The following AOPEP variants were observed in gnomAD, a reference collection of about 807,000 sequenced individuals.
The protein encoded by AOPEP is aminopeptidase O (putative).
Under a neutral mutation model 98.1 loss-of-function variants are expected in AOPEP, and 77 were observed. The ratio of observed to expected loss-of-function variants is 0.78; its 90% confidence interval spans 0.65 to 0.95. The LOEUF (loss-of-function observed/expected upper bound fraction) is 0.95. AOPEP is among the 40% of genes least tolerant of loss of function. AOPEP has a pLI of 0.00. For synonymous variants in AOPEP, 346 were observed against 365.3 expected (o/e 0.95, Z 0.60); for missense variants, 1,024 against 1,024.7 (o/e 1.00, Z 0.01).
intron 7 of AOPEP, among the ~76,000 whole-genome samples, chr9:94,937,909 G>A (rs1461383128): frequency 6.6e-6 from 1 of 152,156 alleles, no homozygotes; most frequent in Non-Finnish European, 1.5e-5. Flanking sequence ...ATCTCGCTCT[G>A]TCACCCAGGC....
chr9:95,131,744 A>G, the AOPEP span, among the ~76,000 whole-genome samples: 1 of 152,218 alleles, frequency 6.6e-6, no homozygotes, highest in Non-Finnish European at 1.5e-5. Context: ...GTTAGTGAAA[A>G]GCTACTTAAG....
rs551843237 is a variant in AOPEP, at chr9:94,872,629, C to T, written c.1365-51357C>T. On this transcript the variant is annotated intron_variant, in intron 5 of 16. Transcript: ENST00000375315. ...CTCCTTTAACCTCAAATCCTGTTATCCCCAAATGAGGCAATAACTTACTCG... is the reference window on the plus strand; with the variant it reads ...CTCCTTTAACCTCAAATCCTGTTATTCCCAAATGAGGCAATAACTTACTCG... Among the ~76,000 whole-genome samples the T allele has an allele frequency of 4.7e-3, 720 of 152,308 alleles. 3 individuals carry two copies. Among genetic ancestry groups the T allele is most frequent in the Middle Eastern group, 0.031 (9 of 294 alleles).
the AOPEP span, among the ~76,000 whole-genome samples, chr9:95,096,646 G>C: frequency 6.6e-6 from 1 of 152,144 alleles, no homozygotes; most frequent in Non-Finnish European, 1.5e-5. Flanking sequence ...CCACCAGGAG[G>C]GGGTCAGGAG....
intron 3 of AOPEP, among the ~76,000 whole-genome samples, chr9:94,779,750 A>G (rs1450521704): frequency 1.3e-5 from 2 of 152,080 alleles, no homozygotes; most frequent in East Asian, 1.9e-4. Context: ...CAATATGAAT[A>G]TGGTGCTGAC....
At position 94,928,492 on chromosome 9, in the gene AOPEP, A is replaced by G. The variant is rs1435538530; in HGVS notation, c.1622A>G (p.Asp541Gly). 7 of 1,550,648 alleles carry G rather than the reference A, an allele frequency of 4.5e-6. No individual in the cohort carries two copies. Among genetic ancestry groups the G allele is most frequent in the Non-Finnish European group, 6.1e-6 (7 of 1,147,066 alleles). ...RACLRWRRLQ[D>G]EMQCSPEEMQ... is the part of the protein sequence containing the mutation. ...TGTCTGCGCTGGCGTCGCCTCCAGG[A>G]CGAGATGCAATGCTCCCCCGAGGAG... is the stretch of plus-strand genomic sequence containing the variant. The change falls in exon 7 of 17, where the codon GAC becomes GGC. Residue 541 changes from aspartate to glycine, a missense_variant. Transcript: ENST00000375315.
intron 7 of AOPEP, among the ~76,000 whole-genome samples, chr9:94,931,474 G>A (rs920122908): frequency 2.6e-4 from 39 of 152,098 alleles, no homozygotes; most frequent in Non-Finnish European, 1.0e-4. Flanking sequence ...TCTAGGTTTC[G>A]TTTACTCCCA....
At chr9:94,910,385 G>A (rs2051841621) in intron 5 of AOPEP, among the ~76,000 whole-genome samples, 1 of 152,218 alleles carries the variant, frequency 6.6e-6, no homozygotes, top group Non-Finnish European at 1.5e-5. Context: ...TAGGACCCCA[G>A]CTTCCTTGTC....
At chr9:94,784,748 T>C (rs1239753792) in intron 3 of AOPEP, among the ~76,000 whole-genome samples, 1 of 152,154 alleles carries the variant, frequency 6.6e-6, no homozygotes, top group African/African-American at 2.4e-5. Flanking sequence ...CCTGAGTAGC[T>C]AGGATTACAG....
At chr9:95,068,336 G>C (rs1409080424) in intron 14 of AOPEP, among the ~76,000 whole-genome samples, 1 of 134,864 alleles carries the variant, frequency 7.4e-6, no homozygotes, top group Admixed American at 7.6e-5. Context: ...CTTGTTGTCC[G>C]TCTTTTTTAT....
chr9:95,123,062 G>A, the AOPEP span, among the ~76,000 whole-genome samples: 1 of 152,198 alleles, frequency 6.6e-6, no homozygotes, highest in Non-Finnish European at 1.5e-5. Context: ...AGCACCTTGG[G>A]AGGGCAAGGT....
At chr9:95,037,074 T>C (rs1460795117) in intron 13 of AOPEP, among the ~76,000 whole-genome samples, 1 of 152,222 alleles carries the variant, frequency 6.6e-6, no homozygotes, top group East Asian at 1.9e-4. Flanking sequence ...GTCTTCGGCC[T>C]AAGAGTGGGC....
At chr9:94,922,098 G>T (rs1438294722) in intron 5 of AOPEP, among the ~76,000 whole-genome samples, 1 of 152,094 alleles carries the variant, frequency 6.6e-6, no homozygotes, top group Non-Finnish European at 1.5e-5. Flanking sequence ...AAAATGAAAG[G>T]GTGGGAGAAA....
the AOPEP span, among the ~76,000 whole-genome samples, chr9:95,141,924 C>T: frequency 7.0e-6 from 1 of 143,398 alleles, no homozygotes; most frequent in Non-Finnish European, 1.5e-5. Context: ...TACACATTGT[C>T]AAAAATAATA....
At chr9:94,890,097 G>A (rs112585107) in intron 5 of AOPEP, among the ~76,000 whole-genome samples, 11 of 149,780 alleles carry the variant, frequency 7.3e-5, no homozygotes, top group African/African-American at 2.7e-4. Context: ...TGATGGTCTT[G>A]GCTCACTGCA....
chr9:94,986,139 A>G (rs2060500157), intron 11 of AOPEP, among the ~76,000 whole-genome samples: 1 of 152,124 alleles, frequency 6.6e-6, no homozygotes, highest in Non-Finnish European at 1.5e-5. Flanking sequence ...AGGTGCCAAC[A>G]GCGTTGGTTT....
rs1328862427 is a variant in AOPEP at position 95,036,740 on chromosome 9, A to G, written c.2116-23954A>G. Among the ~76,000 whole-genome samples, 5 of 118,362 alleles carry G rather than the reference A, an allele frequency of 4.2e-5. No homozygotes were observed. In the South Asian group the frequency reaches 1.1e-3, roughly 25 times the overall value. The allele number at this position is 118,362 out of a possible 152,430, so 77.7% of individuals were successfully genotyped here. A position where few individuals can be genotyped will look rare whatever the true frequency, so the allele number is the denominator to read the frequency against. On this transcript the variant is annotated intron_variant, in intron 13 of 16. Transcript: ENST00000375315. The stretch of plus-strand genomic sequence containing the variant: ...GGGGAATAAAACTATAGTTTGTTTC[A>G]GAGGTGGCCAAGCATAGCTCAGCTG...
intron 5 of AOPEP, among the ~76,000 whole-genome samples, chr9:94,908,115 A>G (rs1429078241): frequency 6.6e-6 from 1 of 152,182 alleles, no homozygotes; most frequent in African/African-American, 2.4e-5. Context: ...TCGAGAACAG[A>G]GAAGCCTAAT....
the AOPEP span, chr9:95,114,700 C>T: frequency 1.2e-6 from 2 of 1,614,098 alleles, no homozygotes; most frequent in Non-Finnish European, 1.7e-6. Context: ...GCCAGTGTCC[C>T]CGAGGGATAT....
chr9:94,992,440 G>A (rs1014293760), intron 11 of AOPEP, among the ~76,000 whole-genome samples: 4 of 152,312 alleles, frequency 2.6e-5, no homozygotes, highest in Middle Eastern at 3.4e-3. Flanking sequence ...AAACAGTTTG[G>A]TGCATAACAT....
Sources: allele counts gnomAD v4.1 joint callset (sites outside exome capture counted in the v4.1 genomes callset), GRCh38; gene constraint gnomAD v4.1.1; transcripts MANE v1.5; gene names NCBI Gene and HGNC (gene_info 2026-07-23, HGNC 2026-07-21).